The following TEX14 variants were observed in gnomAD, a reference collection of about 807,000 sequenced individuals.
TEX14 encodes the protein inactive serine/threonine-protein kinase TEX14.
In TEX14, 168 loss-of-function variants were observed where a neutral mutation model predicts 178.6. The observed-to-expected ratio is 0.94, with a 90% confidence interval of 0.83 to 1.07. The LOEUF is 1.07. Ranked by LOEUF, TEX14 falls within the 50% of genes least tolerant of loss-of-function variation. The pLI is 0.00. For synonymous variants in TEX14, 626 were observed against 634.1 expected (o/e 0.99, Z 0.19); for missense variants, 1,730 against 1,753.6 (o/e 0.99, Z 0.24).
At chr17:58,575,878 C>T (rs183342260) in intron 21 of TEX14, among the ~76,000 whole-genome samples, 2 of 152,292 alleles carry the variant, frequency 1.3e-5, no homozygotes, top group Non-Finnish European at 2.9e-5. Context: ...TCTAGTCTAT[C>T]CTGACTGACT....
intron 10 of TEX14, among the ~76,000 whole-genome samples, chr17:58,608,189 G>C (rs949346086): frequency 6.6e-6 from 1 of 152,228 alleles, no homozygotes; most frequent in Middle Eastern, 3.4e-3. Context: ...AGGCTGAGGC[G>C]GGTGGATCAC....
chr17:58,575,113 CTT>C (rs200915772), intron 21 of TEX14, among the ~76,000 whole-genome samples: 87 of 135,456 alleles, frequency 6.4e-4, no homozygotes, highest in African/African-American at 1.7e-3. Flanking sequence ...CATGTTTTCA[CTT>C]TTTTTTTTTT....
chr17:58,593,688 G>C (rs752498466), intron 14 of TEX14, 27 bp from the exon 15 acceptor site: 8 of 1,568,434 alleles, frequency 5.1e-6, no homozygotes, highest in South Asian at 2.2e-5. Context: ...CATGTTTCAG[G>C]GCTTTGATGA....
chr17:58,559,399 C>A, intron 30 of TEX14, 54 bp downstream of exon 30: 2 of 740,420 alleles, frequency 2.7e-6, no homozygotes, highest in South Asian at 1.8e-5. Context: ...AACTTTGAAG[C>A]ACATCAAAGC....
chr17:58,561,382 G>A, intron 29 of TEX14, 138 bp downstream of exon 29: 1 of 661,076 alleles, frequency 1.5e-6, no homozygotes, highest in East Asian at 2.5e-5. Flanking sequence ...GCAAATATGA[G>A]TGCAGACAGG....
intron 23 of TEX14, 75 bp downstream of exon 23, chr17:58,573,106 C>A: frequency 1.9e-6 from 3 of 1,573,840 alleles, no homozygotes; most frequent in African/African-American, 1.4e-5. Flanking sequence ...TCTGATACCA[C>A]GGCTTGGCTT....
At chr17:58,668,114 T>C (rs187646492) in intron 1 of TEX14, among the ~76,000 whole-genome samples, 63 of 152,278 alleles carry the variant, frequency 4.1e-4, no homozygotes, top group African/African-American at 1.5e-3. Context: ...CCAGCCTGTC[T>C]TCAGCAAGAA....
In TEX14 at chr17:58,622,982, A is replaced by G; in HGVS notation, c.282T>C (p.His94=). The G allele has an allele frequency of 6.2e-7, 1 of 1,609,626 alleles. No homozygotes were observed. The change falls in exon 4 of 32, where the codon CAT becomes CAC. Residue 94 remains histidine (H), a synonymous_variant. Transcript: ENST00000349033. ...ACTGATTGCCCGAAAATGCTGCTGC[A>G]TGGACAGGGGTGCTCCCATCAAAGC... is the stretch of plus-strand genomic sequence containing the variant. The part of the protein sequence containing the change: ...HRCFDGSTPV[H]AAAFSGNQWI...
At chr17:58,675,412 T>C in intron 1 of TEX14, 1 of 154,858 alleles carries the variant, frequency 6.5e-6, no homozygotes, top group East Asian at 1.9e-4. Flanking sequence ...TATTAAGAGA[T>C]GTAAGCATTT....
chr17:58,631,690 G>A (rs376047198), intron 2 of TEX14: 6 of 150,666 alleles, frequency 4.0e-5, no homozygotes, highest in East Asian at 3.9e-4. Flanking sequence ...ACAGCAAACA[G>A]CAGTTAGAAT....
chr17:58,571,342 C>T (rs1268511570), intron 24 of TEX14, among the ~76,000 whole-genome samples: 2 of 148,304 alleles, frequency 1.3e-5, no homozygotes, highest in African/African-American at 5.0e-5. Flanking sequence ...CTCAGGTAAT[C>T]CTCCCACCTC....
chr17:58,619,593 A>C (rs1327419012), intron 5 of TEX14, among the ~76,000 whole-genome samples: 1 of 152,040 alleles, frequency 6.6e-6, no homozygotes, highest in Non-Finnish European at 1.5e-5. Context: ...GGATCACCTG[A>C]GGTCAGGAAT....
chr17:58,570,368 T>C lies in TEX14; in HGVS notation c.3817+17A>G. 6.8e-7 allele frequency: 1 copy of C among 1,465,906 alleles called. No homozygotes were observed. Among genetic ancestry groups the C allele is most frequent in the Non-Finnish European group, 9.0e-7 (1 of 1,110,126 alleles). The allele number at this position is 1,465,906 out of a possible 1,614,324, so 90.8% of individuals were successfully genotyped here. A position where few individuals can be genotyped will look rare whatever the true frequency, so the allele number is the denominator to read the frequency against. On this transcript the variant is annotated intron_variant, in intron 25 of 31. Transcript: ENST00000349033. ...CCTTGATTATAAACTTCTATTTTGATATTAAACACAGGGTACCTTTAGGCA... is the reference window on the plus strand; with the variant it reads ...CCTTGATTATAAACTTCTATTTTGACATTAAACACAGGGTACCTTTAGGCA...
At chr17:58,599,743 AGGC>A in intron 13 of TEX14, 77 bp from the exon 14 acceptor site, 1 of 1,172,268 alleles carries the variant, frequency 8.5e-7, no homozygotes, top group Non-Finnish European at 1.2e-6. Flanking sequence ...CTTGTTCAAG[AGGC>A]AAAGACTGTC....
At chr17:58,660,394 T>A (rs2047083981) in intron 1 of TEX14, 1 of 357,202 alleles carries the variant, frequency 2.8e-6, no homozygotes, top group Non-Finnish European at 5.0e-6. Context: ...AGTAAAAAAC[T>A]CCATCTCAAA....
In TEX14 at chr17:58,577,409, T is replaced by C. The variant is rs201949478; in HGVS notation, c.3286A>G (p.Ile1096Val). Reference protein sequence around the residue: ...MRKILGKNAEILPRSQFQPVR... With the variant: ...MRKILGKNAEVLPRSQFQPVR... ...GGTTGAAATTGAGACCTGGGCAAAA[T>C]CTCAGCATTCTTTCCAAGAATTTTT... is the stretch of plus-strand genomic sequence containing the variant. The change falls in exon 21 of 32, where the codon ATT (isoleucine) becomes GTT (valine). Residue 1096 changes from isoleucine (I) to valine (V), a missense_variant. Ile to Val is a conservative substitution (Grantham distance 29, BLOSUM62 3). Around this residue, in one of 2 missense-constraint regions of TEX14, gnomAD observed 941 missense variants for 1,072.4 expected, o/e 0.88. Transcript: ENST00000349033. The C allele has an allele frequency of 1.1e-5, 16 of 1,515,002 alleles. No homozygotes were observed. The highest frequency in any genetic ancestry group is 1.4e-5 in the Non-Finnish European group (16 of 1,127,958). The allele number at this position is 1,515,002 out of a possible 1,614,324, so 93.8% of individuals were successfully genotyped here. A position where few individuals can be genotyped will look rare whatever the true frequency, so the allele number is the denominator to read the frequency against.
intron 2 of TEX14, among the ~76,000 whole-genome samples, chr17:58,645,128 G>C (rs1450154766): frequency 6.6e-6 from 1 of 151,190 alleles, no homozygotes; most frequent in Non-Finnish European, 1.5e-5. Context: ...TAGGACTACA[G>C]GCCCACGCCA....
chr17:58,574,954 T>A (rs1282620213), intron 21 of TEX14, among the ~76,000 whole-genome samples: 1 of 152,112 alleles, frequency 6.6e-6, no homozygotes, highest in Non-Finnish European at 1.5e-5. Context: ...TGGCATAGTG[T>A]ACCAGGAGAG....
chr17:58,654,340 C>G (rs2046903579), intron 1 of TEX14, among the ~76,000 whole-genome samples: 1 of 151,972 alleles, frequency 6.6e-6, no homozygotes, highest in African/African-American at 2.4e-5. Flanking sequence ...CCAAGGACCA[C>G]TTAAGAAACT....
Sources: allele counts gnomAD v4.1 joint callset (sites outside exome capture counted in the v4.1 genomes callset), GRCh38; gene constraint gnomAD v4.1.1; regional missense constraint gnomAD v4.1.1; transcripts MANE v1.5; gene names NCBI Gene and HGNC (gene_info 2026-07-23, HGNC 2026-07-21).